The following OR8J1 variants were observed in gnomAD, a reference collection of about 807,000 sequenced individuals.
The protein encoded by OR8J1 is olfactory receptor family 8 subfamily J member 1, also known as olfactory receptor 8J1.
For missense variants in OR8J1, 400 were observed against 373.0 expected (o/e 1.07, Z -0.60); for synonymous variants, 157 against 144.3 (o/e 1.09, Z -0.63).
intron 1 of OR8J1, among the ~76,000 whole-genome samples, chr11:56,358,373 C>G (rs537889825): frequency 6.6e-6 from 1 of 152,008 alleles, no homozygotes. Flanking sequence ...CCATTAAGAC[C>G]CCCTACCCCC....
chr11:56,357,667 T>A (rs1001664702), intron 1 of OR8J1: 1 of 1,571,376 alleles, frequency 6.4e-7, no homozygotes, highest in Non-Finnish European at 8.7e-7. Context: ...AGGTTTGGCA[T>A]GGACAAGATC....
At chr11:56,355,830 C>T (rs908695382) in intron 1 of OR8J1, among the ~76,000 whole-genome samples, 34 of 152,170 alleles carry the variant, frequency 2.2e-4, no homozygotes, top group Admixed American at 2.2e-3. Flanking sequence ...TAATTAGCCT[C>T]ATTTGATGCT....
chr11:56,355,921 A>C (rs1242723082), intron 1 of OR8J1, among the ~76,000 whole-genome samples: 1 of 152,228 alleles, frequency 6.6e-6, no homozygotes, highest in Non-Finnish European at 1.5e-5. Flanking sequence ...TCTACCTCTC[A>C]CTAAAAACAA....
rs750049807 is a variant in OR8J1, at chr11:56,360,424, T to C, written c.178T>C (p.Tyr60His). ...SVDSRLQTPMYFFLQHLALIN... is the reference protein window; with the variant it reads ...SVDSRLQTPMHFFLQHLALIN... ...TGACTCTCGACTTCAAACCCCCATG[T>C]ACTTTTTCCTGCAACATCTGGCTCT... is the stretch of plus-strand genomic sequence containing the variant. The change falls in exon 2 of 2, where the codon TAC becomes CAC. Residue 60 changes from tyrosine (Y) to histidine (H), a missense_variant. Physicochemically the swap from Tyr to His is moderately conservative, Grantham distance 83. Transcript: ENST00000533152. The C allele has an allele frequency of 4.3e-6, 7 of 1,614,180 alleles. No homozygotes were observed. In the South Asian group the frequency reaches 7.7e-5, roughly 18 times the overall value.
At chr11:56,355,585 G>A (rs1854957527) in intron 1 of OR8J1, among the ~76,000 whole-genome samples, 1 of 152,062 alleles carries the variant, frequency 6.6e-6, no homozygotes. Flanking sequence ...CCGAGACCGT[G>A]CCATTGCACT....
intron 1 of OR8J1, among the ~76,000 whole-genome samples, chr11:56,356,675 A>G (rs1386038853): frequency 6.6e-6 from 1 of 152,244 alleles, no homozygotes; most frequent in African/African-American, 2.4e-5. Flanking sequence ...ATGAAGAACA[A>G]GTTAGGAATT....
Position 56,358,586 on chromosome 11 carries a change from A to G in OR8J1, c.-20-1641A>G, listed in dbSNP as rs1852591435. 5.9e-5 allele frequency among the ~76,000 whole-genome samples: 9 copies of G among 152,296 alleles called. No individual in the cohort carries two copies. In the South Asian group the frequency reaches 1.9e-3, roughly 32 times the overall value. ...AAAAGTTGAAGAAAAAGAAATTAAAACTAAAAAGAAACTGCTAAAATTAAA... is the reference window on the plus strand; with the variant it reads ...AAAAGTTGAAGAAAAAGAAATTAAAGCTAAAAAGAAACTGCTAAAATTAAA... On this transcript the variant is annotated intron_variant, in intron 1 of 1. Transcript: ENST00000533152.
rs372843205 is a variant in OR8J1 at position 56,361,171 on chromosome 11, C to T, written c.925C>T (p.Leu309=). The T allele has an allele frequency of 2.6e-5, 36 of 1,372,356 alleles. No homozygotes were observed. The highest frequency in any genetic ancestry group is 7.5e-5 in the African/African-American group (5 of 66,786). The allele number at this position is 1,372,356 out of a possible 1,614,324, so 85.0% of individuals were successfully genotyped here. ...TGCTCTACAGAGATTCATGACAAAT[C>T]TGTGCTATTCCTTTAAAACAATGTA... ...KTALQRFMTN[L]CYSFKTM is the part of the protein sequence containing the mutation. The change falls in exon 2 of 2, where the codon CTG becomes TTG. Residue 309 remains leucine (L), a synonymous_variant. Transcript: ENST00000533152.
chr11:56,358,041 G>A, intron 1 of OR8J1: 1 of 662,526 alleles, frequency 1.5e-6, no homozygotes, highest in Non-Finnish European at 2.6e-6. Context: ...TGATGGAGGA[G>A]ACGTATAAGA....
intron 1 of OR8J1, among the ~76,000 whole-genome samples, chr11:56,355,949 C>T (rs1232316722): frequency 6.6e-6 from 1 of 152,052 alleles, no homozygotes; most frequent in Non-Finnish European, 1.5e-5. Context: ...TCAGAAGAAT[C>T]AATAACAGTG....
chr11:56,356,018 G>A (rs1854962592), intron 1 of OR8J1, among the ~76,000 whole-genome samples: 1 of 152,170 alleles, frequency 6.6e-6, no homozygotes, highest in Non-Finnish European at 1.5e-5. Flanking sequence ...TAGGGTGAAT[G>A]ACCAGAAAAG....
intron 1 of OR8J1, among the ~76,000 whole-genome samples, chr11:56,355,892 C>A (rs1219213615): frequency 6.6e-6 from 1 of 152,104 alleles, no homozygotes; most frequent in Admixed American, 6.6e-5. Context: ...AAATGGTGGA[C>A]AAACTTTGCA....
Position 56,360,280 on chromosome 11 carries a change from T to C in OR8J1, c.34T>C (p.Phe12Leu), listed in dbSNP as rs773989994. The C allele has an allele frequency of 2.5e-6, 4 of 1,591,892 alleles. No homozygotes were observed. Among genetic ancestry groups the C allele is most frequent in the East Asian group, 2.2e-5 (1 of 44,722 alleles). The change falls in exon 2 of 2, where the codon TTT (phenylalanine) becomes CTT (leucine). Residue 12 changes from phenylalanine to leucine, a missense_variant. Phe to Leu is a conservative substitution (Grantham distance 22). Transcript: ENST00000533152. ...APENFTRVTE[F>L]ILTGVSSCPE... is the part of the protein sequence containing the mutation. ...TGAAAATTTCACCAGAGTCACTGAGTTTATTCTTACAGGTGTCTCTAGCTG... is the reference window on the plus strand; with the variant it reads ...TGAAAATTTCACCAGAGTCACTGAGCTTATTCTTACAGGTGTCTCTAGCTG...
In OR8J1 at chr11:56,360,570, T is replaced by C; in HGVS notation, c.324T>C (p.Ile108=). The part of the protein sequence containing the change: ...ATQLGGFLFF[I]VSEVIMLALM... ...AACTGGGAGGGTTCTTGTTCTTTAT[T>C]GTATCGGAGGTAATCATGCTGGCTT... The change falls in exon 2 of 2, where the codon ATT becomes ATC. Residue 108 remains isoleucine, a synonymous_variant. Coordinates refer to ENST00000533152, the MANE Select transcript of OR8J1 (RefSeq NM_001005205.3). 6.2e-7 allele frequency: 1 copy of C among 1,614,106 alleles called. No individual in the cohort carries two copies.
chr11:56,360,531 T>C lies in OR8J1; in HGVS notation c.285T>C (p.Tyr95=). ...FLVKKKTTSF[Y]ECATQLGGFL... The stretch of plus-strand genomic sequence containing the variant: ...TAAAGAAGAAAACTACCTCATTCTA[T>C]GAATGTGCCACCCAACTGGGAGGGT... Residue 95 remains tyrosine, a synonymous_variant, in exon 2 of 2, where the codon TAT becomes TAC. Transcript: ENST00000533152. The C allele has an allele frequency of 6.2e-7, 1 of 1,614,182 alleles. No homozygotes were observed. The highest frequency in any genetic ancestry group is 1.3e-5 in the African/African-American group (1 of 75,054).
chr11:56,357,877 C>T (rs1354332683), intron 1 of OR8J1: 44 of 897,624 alleles, frequency 4.9e-5, no homozygotes, highest in Non-Finnish European at 6.6e-5. Flanking sequence ...GATTATGATT[C>T]TGAAAGCAAG....
At chr11:56,359,679 G>A (rs577890009) in intron 1 of OR8J1, among the ~76,000 whole-genome samples, 1 of 152,160 alleles carries the variant, frequency 6.6e-6, no homozygotes, top group South Asian at 2.1e-4. Context: ...TTTAGTCAGA[G>A]TTAATTTAAA....
In OR8J1 at chr11:56,360,467, C is replaced by T. The variant is rs150095360; in HGVS notation, c.221C>T (p.Ser74Phe). The T allele has an allele frequency of 7.4e-6, 12 of 1,614,034 alleles. No homozygotes were observed. Among genetic ancestry groups the T allele is most frequent in the Non-Finnish European group, 1.0e-5 (12 of 1,180,026 alleles). ...QHLALINLGN[S>F]TVIAPKMLIN... ...CTGGCTCTCATTAATCTTGGTAACT[C>T]TACTGTCATTGCCCCTAAAATGCTG... Residue 74 changes from serine (S) to phenylalanine (F), a missense_variant, in exon 2 of 2, where the codon TCT becomes TTT. By Grantham distance (155) the Ser-to-Phe change is radical. Transcript: ENST00000533152.
In OR8J1 at chr11:56,357,650, T is replaced by C. The variant is rs150638417; in HGVS notation, c.-20-2577T>C. 7.0e-4 allele frequency: 1,066 copies of C among 1,526,940 alleles called. 4 individuals are homozygous for C. The highest frequency in any genetic ancestry group is 6.6e-4 in the Non-Finnish European group (741 of 1,115,350). 94.6% of individuals were successfully genotyped at this position (1,526,940 alleles called of 1,614,324 possible). On this transcript the variant is annotated intron_variant, in intron 1 of 1. Coordinates refer to ENST00000533152, the MANE Select transcript of OR8J1 (RefSeq NM_001005205.3). ...CTTGCCTGCTGCTGGCCTGCAGGCT[T>C]CTCAATAGGTTTGGCATGGACAAGA...
Sources: allele counts gnomAD v4.1 joint callset (sites outside exome capture counted in the v4.1 genomes callset), GRCh38; gene constraint gnomAD v4.1.1; transcripts MANE v1.5; gene names NCBI Gene and HGNC (gene_info 2026-07-23, HGNC 2026-07-21).